The following ZNF710 variants were observed in gnomAD, a reference collection of about 807,000 sequenced individuals.
ZNF710 encodes zinc finger protein 710.
Under a neutral mutation model 50.6 loss-of-function variants are expected in ZNF710, and 13 were observed. The observed-to-expected ratio is 0.26, with a 90% CI of 0.17 to 0.41. ZNF710 has a LOEUF of 0.41. ZNF710 is among the 10% of genes least tolerant of loss of function. The pLI is 1.00. For synonymous variants in ZNF710, 383 were observed against 397.0 expected (o/e 0.96, Z 0.42); for missense variants, 721 against 936.6 (o/e 0.77, Z 3.01).
chr15:90,078,996 C>T (rs879594502), intron 4 of ZNF710, among the ~76,000 whole-genome samples: 1 of 152,200 alleles, frequency 6.6e-6, no homozygotes, highest in Non-Finnish European at 1.5e-5. Flanking sequence ...TCTTTATGAA[C>T]CTACCCTGAG....
At chr15:90,011,493 T>G (rs1435103412) in intron 1 of ZNF710, among the ~76,000 whole-genome samples, 1 of 152,230 alleles carries the variant, frequency 6.6e-6, no homozygotes, top group East Asian at 1.9e-4. Flanking sequence ...TTATATAAAG[T>G]CACCACTGTC....
At chr15:90,044,892 G>T (rs1899412444) in intron 1 of ZNF710, among the ~76,000 whole-genome samples, 1 of 152,136 alleles carries the variant, frequency 6.6e-6, no homozygotes, top group African/African-American at 2.4e-5. Flanking sequence ...AGGAGTAAAG[G>T]TGGCCCTGCC....
intron 1 of ZNF710, among the ~76,000 whole-genome samples, chr15:90,029,445 T>A (rs1898868536): frequency 1.3e-5 from 2 of 152,124 alleles, no homozygotes; most frequent in South Asian, 2.1e-4. Flanking sequence ...CAAACGGGAA[T>A]GGATTTTATG....
intron 1 of ZNF710, among the ~76,000 whole-genome samples, chr15:90,009,140 G>A (rs1315464918): frequency 6.6e-6 from 1 of 151,684 alleles, no homozygotes; most frequent in South Asian, 2.1e-4. Context: ...ATGCCATCCC[G>A]GACCCCATCC....
intron 1 of ZNF710, among the ~76,000 whole-genome samples, chr15:90,055,355 G>A (rs1899779346): frequency 2.0e-5 from 3 of 152,148 alleles, no homozygotes. Context: ...AAGAGGCCGT[G>A]TGCAGGTGAG....
chr15:90,066,381 G>A (rs531988243), intron 1 of ZNF710, among the ~76,000 whole-genome samples: 1 of 152,206 alleles, frequency 6.6e-6, no homozygotes, highest in African/African-American at 2.4e-5. Flanking sequence ...TTAGAATGTG[G>A]CACATATTAC....
intron 1 of ZNF710, among the ~76,000 whole-genome samples, chr15:90,030,754 C>T (rs920707585): frequency 6.6e-6 from 1 of 151,874 alleles, no homozygotes; most frequent in Non-Finnish European, 1.5e-5. Flanking sequence ...CGGTGGCTCA[C>T]GCCTGTAATC....
intron 1 of ZNF710, among the ~76,000 whole-genome samples, chr15:90,030,908 A>G (rs1898922764): frequency 6.6e-6 from 1 of 150,428 alleles, no homozygotes; most frequent in East Asian, 1.9e-4. Context: ...AGTCCCAGCT[A>G]CTTGGGAGGC....
At chr15:89,999,082 G>T (rs8031805), upstream of ZNF710, among the ~76,000 whole-genome samples, 5 of 152,138 alleles carry the variant, frequency 3.3e-5, no homozygotes, top group African/African-American at 1.2e-4. Context: ...GTAATAATGT[G>T]CCGTCTTGCC....
intron 1 of ZNF710, among the ~76,000 whole-genome samples, chr15:90,058,715 A>ATG (rs1899907403): frequency 3.8e-5 from 5 of 129,988 alleles, no homozygotes; most frequent in African/African-American, 1.9e-4. Context: ...ATATATATAT[A>ATG]TATACACACA....
At chr15:90,075,106 G>C (rs1900548989) in intron 4 of ZNF710, 1 of 154,008 alleles carries the variant, frequency 6.5e-6, no homozygotes. Context: ...ATTTCTGTTG[G>C]GTGACAGCAA....
chr15:89,999,013 C>A (rs1418945279), upstream of ZNF710, among the ~76,000 whole-genome samples: 2 of 152,240 alleles, frequency 1.3e-5, no homozygotes, highest in African/African-American at 2.4e-5. Flanking sequence ...ACTCTCCCCC[C>A]ACCCACTTGT....
chr15:90,032,410 A>G (rs549477005), intron 1 of ZNF710, among the ~76,000 whole-genome samples: 12 of 152,266 alleles, frequency 7.9e-5, no homozygotes, highest in African/African-American at 1.7e-4. Flanking sequence ...ATTATTTTCT[A>G]TTTTTAAGAG....
At chr15:90,012,978 A>G (rs1251171353) in intron 1 of ZNF710, among the ~76,000 whole-genome samples, 2 of 152,142 alleles carry the variant, frequency 1.3e-5, no homozygotes, top group East Asian at 1.9e-4. Flanking sequence ...TCTGTATCCA[A>G]TAAATCTAAT....
At chr15:90,051,182 T>G (rs1899632708) in intron 1 of ZNF710, among the ~76,000 whole-genome samples, 1 of 146,658 alleles carries the variant, frequency 6.8e-6, no homozygotes, top group African/African-American at 2.6e-5. Context: ...GAGGTTGCAG[T>G]GAGCCAAGAT....
chr15:90,035,323 C>A (rs541290430), intron 1 of ZNF710, among the ~76,000 whole-genome samples: 283 of 152,284 alleles, frequency 1.9e-3, no homozygotes, highest in African/African-American at 6.5e-3. Flanking sequence ...CAGCATTGGC[C>A]GTCCGGCTCC....
At chr15:90,021,171 G>A (rs1898611148) in intron 1 of ZNF710, among the ~76,000 whole-genome samples, 1 of 152,220 alleles carries the variant, frequency 6.6e-6, no homozygotes, top group Admixed American at 6.5e-5. Context: ...TCCTTTGTTG[G>A]ATGGAAACTG....
chr15:90,054,821 G>T (rs921802843), intron 1 of ZNF710, among the ~76,000 whole-genome samples: 1 of 152,200 alleles, frequency 6.6e-6, no homozygotes, highest in Non-Finnish European at 1.5e-5. Flanking sequence ...TTGGAGGAAA[G>T]ATATGGAGCC....
At chr15:90,061,274 G>T (rs1233243992) in intron 1 of ZNF710, among the ~76,000 whole-genome samples, 1 of 152,056 alleles carries the variant, frequency 6.6e-6, no homozygotes, top group Non-Finnish European at 1.5e-5. Flanking sequence ...GGGCTCAAGC[G>T]ATTCTCCTGC....
Sources: allele counts gnomAD v4.1 joint callset (sites outside exome capture counted in the v4.1 genomes callset), GRCh38; gene constraint gnomAD v4.1.1; transcripts MANE v1.5; gene names NCBI Gene and HGNC (gene_info 2026-07-23, HGNC 2026-07-21).